Variants in AKT2 observed in about 807,000 individuals in gnomAD.
AKT2 encodes the protein RAC-beta serine/threonine-protein kinase.
In AKT2, 16 loss-of-function variants were observed where a neutral mutation model predicts 58.6. The ratio of observed to expected loss-of-function variants is 0.27; its 90% CI spans 0.18 to 0.41. The LOEUF is 0.41. AKT2 is among the 10% of genes least tolerant of loss of function. The pLI is 1.00. For synonymous variants in AKT2, 253 were observed against 254.0 expected (o/e 1.00, Z 0.04); for missense variants, 438 against 661.0 (o/e 0.66, Z 3.70).
At position 40,256,965 on chromosome 19, in the gene AKT2, C is replaced by T. The variant is rs1975583524; in HGVS notation, c.136G>A (p.Asp46Asn). 6.2e-6 allele frequency: 10 copies of T among 1,614,176 alleles called. No homozygotes were observed. Among genetic ancestry groups the T allele is most frequent in the Non-Finnish European group, 7.6e-6 (9 of 1,180,014 alleles). Reference protein sequence around the residue: ...IGYKERPEAPDQTLPPLNNFS... With the variant: ...IGYKERPEAPNQTLPPLNNFS... ...TTGTTTAAGGGGGGTAGAGTCTGAT[C>T]AGGGGCCTCGGGCCTCTCCTTGTAC... is the stretch of plus-strand genomic sequence containing the variant. The change falls in exon 3 of 14, where the codon GAT becomes AAT. Residue 46 changes from aspartate to asparagine, a missense_variant. Asp to Asn is a conservative substitution (Grantham distance 23). Transcript: ENST00000392038.
In AKT2 at chr19:40,235,163, G is replaced by A; in HGVS notation, c.1264-16C>T. The stretch of plus-strand genomic sequence containing the variant: ...GTGGCAGGAGCTACGGAGGAGAGGA[G>A]CTCAGGCTCAGGGACCCTGAGGCCA... On this transcript the variant is annotated splice_polypyrimidine_tract_variant and intron_variant, in intron 12 of 13. Coordinates refer to ENST00000392038, the MANE Select transcript of AKT2 (RefSeq NM_001626.6). The surrounding 1 kb of genome is among the most constrained non-coding windows in gnomAD (Gnocchi z 6.3). The A allele has an allele frequency of 6.2e-7, 1 of 1,613,624 alleles. No homozygotes were observed. Among genetic ancestry groups the A allele is most frequent in the Non-Finnish European group, 8.5e-7 (1 of 1,179,622 alleles).
chr19:40,267,238 C>T (rs1300816612), intron 1 of AKT2, among the ~76,000 whole-genome samples: 1 of 152,180 alleles, frequency 6.6e-6, no homozygotes, highest in Non-Finnish European at 1.5e-5. Flanking sequence ...AGCCAAACTC[C>T]TCAGCTGAGG....
chr19:40,244,818 G>C (rs1007527466), intron 4 of AKT2, among the ~76,000 whole-genome samples: 6 of 152,230 alleles, frequency 3.9e-5, no homozygotes, highest in Admixed American at 3.3e-4. Flanking sequence ...CCCTACCCAA[G>C]GTCAGGCAGG....
At position 40,233,461 on chromosome 19, in the gene AKT2, G is replaced by A. The variant is rs1973817996; in HGVS notation, c.*411C>T. 1.9e-6 allele frequency: 1 copy of A among 529,230 alleles called. No homozygotes were observed. The highest frequency in any genetic ancestry group is 3.6e-6 in the Non-Finnish European group (1 of 274,410). The allele number at this position is 529,230 out of a possible 1,614,324, so 32.8% of individuals were successfully genotyped here. On this transcript the variant is annotated 3_prime_UTR_variant, in exon 14 of 14. Transcript: ENST00000392038. This position sits in a 1 kb window ranked among gnomAD's most constrained non-coding sequence, Gnocchi z 4.3. Reference sequence around the variant, plus strand: ...GGAAGGCAGCACCACTGTCTGCCGGGTGTCGCGTCCCACCAGAAGGCAGCC... The same window carrying A: ...GGAAGGCAGCACCACTGTCTGCCGGATGTCGCGTCCCACCAGAAGGCAGCC...
rs1444804384 is a variant in AKT2 at position 40,242,892 on chromosome 19, T to A, written c.288-205A>T. On this transcript the variant is annotated intron_variant, in intron 4 of 13. Transcript: ENST00000392038. The surrounding 1 kb of genome is among the most constrained non-coding windows in gnomAD (Gnocchi z 4.3). ...CGCCAGGCGCAGTGGCTCATGCCTA[T>A]AATCCCAGCACTTTGGGAGGCTGAG... 2 of 597,828 alleles carry A rather than the reference T, an allele frequency of 3.3e-6. No individual in the cohort carries two copies. The highest frequency in any genetic ancestry group is 3.7e-5 in the African/African-American group (2 of 54,214). 37.0% of individuals were successfully genotyped at this position (597,828 alleles called of 1,614,324 possible).
rs554917487 is a variant in AKT2, at chr19:40,237,092, C to T, written c.832-707G>A. The T allele has an allele frequency of 1.3e-5, 2 of 158,034 alleles. No individual in the cohort carries two copies. The highest frequency in any genetic ancestry group is 1.9e-4 in the South Asian group (1 of 5,278). The allele number at this position is 158,034 out of a possible 1,614,324, so 9.8% of individuals were successfully genotyped here. ...TGTGCGGCTTTCCCTCGACATTAGCCTATGAGACGCGTCCACACTGTCGTG... is the reference window on the plus strand; with the variant it reads ...TGTGCGGCTTTCCCTCGACATTAGCTTATGAGACGCGTCCACACTGTCGTG... On this transcript the variant is annotated intron_variant, in intron 9 of 13. Transcript: ENST00000392038. This position sits in a 1 kb window ranked among gnomAD's most constrained non-coding sequence, Gnocchi z 4.5.
At chr19:40,260,748 A>G (rs551131930) in intron 2 of AKT2, among the ~76,000 whole-genome samples, 1 of 152,172 alleles carries the variant, frequency 6.6e-6, no homozygotes, top group East Asian at 1.9e-4. Context: ...ATAAGAAGGA[A>G]CGACATATTG....
In AKT2 at chr19:40,242,137, A is replaced by G; in HGVS notation, c.442-68T>C. On this transcript the variant is annotated intron_variant, in intron 5 of 13. Transcript: ENST00000392038. The surrounding 1 kb of genome is among the most constrained non-coding windows in gnomAD (Gnocchi z 4.3). Reference sequence around the variant, plus strand: ...ATGGCCCGTGGGAGGAAATTTTAACAAAAGAAAGAGGAAAACCAAAAGACA... The same window carrying G: ...ATGGCCCGTGGGAGGAAATTTTAACGAAAGAAAGAGGAAAACCAAAAGACA... The G allele has an allele frequency of 6.2e-7, 1 of 1,606,336 alleles. No homozygotes were observed. Among genetic ancestry groups the G allele is most frequent in the Non-Finnish European group, 8.5e-7 (1 of 1,175,784 alleles).
intron 4 of AKT2, chr19:40,244,086 T>TAATAAA (rs1461608772): frequency 1.5e-5 from 2 of 137,292 alleles, no homozygotes; most frequent in African/African-American, 5.8e-5. Context: ...ATAATAATAA[T>TAATAAA]AATAATAAAA....
chr19:40,265,493 C>T, intron 1 of AKT2, 142 bp from the exon 2 acceptor site: 1 of 1,115,350 alleles, frequency 9.0e-7, no homozygotes, highest in Non-Finnish European at 1.2e-6. Context: ...GTGGAGCCCG[C>T]TCTCAAGGAC....
chr19:40,239,077 T>A, intron 7 of AKT2, 104 bp from the exon 8 acceptor site: 3 of 1,228,964 alleles, frequency 2.4e-6, no homozygotes, highest in Non-Finnish European at 3.4e-6. Flanking sequence ...ACACACACCC[T>A]GCCCTGGCTG....
At chr19:40,239,843 A>C (rs2145189624) in intron 7 of AKT2, 3 of 709,738 alleles carry the variant, frequency 4.2e-6, no homozygotes, top group Non-Finnish European at 7.7e-6. Context: ...TCTATGAAGA[A>C]GCTGTCACCC....
chr19:40,269,419 C>T (rs751552987), intron 1 of AKT2: 3 of 152,206 alleles, frequency 2.0e-5, no homozygotes, highest in Non-Finnish European at 4.4e-5. Flanking sequence ...TCATAACCAC[C>T]TACCTGGGAT....
chr19:40,272,047 C>T (rs191425501), intron 1 of AKT2, among the ~76,000 whole-genome samples: 11 of 152,364 alleles, frequency 7.2e-5, no homozygotes, highest in Admixed American at 2.6e-4. Context: ...GCCCATACCA[C>T]GTGCCAGGCC....
intron 1 of AKT2, among the ~76,000 whole-genome samples, chr19:40,270,929 C>CT (rs947796847): frequency 6.6e-6 from 1 of 151,834 alleles, no homozygotes; most frequent in Non-Finnish European, 1.5e-5. Flanking sequence ...AGGAGGATTG[C>CT]TTGAGCCCAG....
chr19:40,245,487 G>A (rs568946804), intron 4 of AKT2, among the ~76,000 whole-genome samples: 2 of 152,296 alleles, frequency 1.3e-5, no homozygotes, highest in African/African-American at 4.8e-5. Flanking sequence ...AACATCTCCA[G>A]AAGAGAAGTC....
At chr19:40,274,688 G>C (rs962656062) in intron 1 of AKT2, 13 of 252,568 alleles carry the variant, frequency 5.1e-5, no homozygotes, top group Non-Finnish European at 1.6e-5. Context: ...TGAGAGAGCC[G>C]GGGGAGACCT....
intron 7 of AKT2, chr19:40,239,788 A>G (rs1974275070): frequency 1.5e-6 from 1 of 669,816 alleles, no homozygotes; most frequent in Admixed American, 2.0e-5. Context: ...GCCAGCAAAT[A>G]ATGTGATATC....
chr19:40,238,378 C>G lies in AKT2; in HGVS notation c.709-287G>C, dbSNP rs1974161576. Among the ~76,000 whole-genome samples the G allele has an allele frequency of 6.6e-6, 1 of 152,108 alleles. No individual in the cohort carries two copies. The highest frequency in any genetic ancestry group is 6.5e-5 in the Admixed American group (1 of 15,272). On this transcript the variant is annotated intron_variant, in intron 8 of 13. Coordinates refer to ENST00000392038, the MANE Select transcript of AKT2 (RefSeq NM_001626.6). This position sits in a 1 kb window ranked among gnomAD's most constrained non-coding sequence, Gnocchi z 5.1. ...GGCAAAAAGAAGCACACGTCATGAC[C>G]AAGTAACAATAGGCCATGGGCAAGC... is the stretch of plus-strand genomic sequence containing the variant.
Sources: gnomAD v4.1 joint callset for allele counts (sites outside exome capture counted in the v4.1 genomes callset) on GRCh38, gnomAD v4.1.1 for gene constraint, Gnocchi (gnomAD v3.1) non-coding constraint, MANE v1.5 for transcripts, NCBI Gene and HGNC (gene_info 2026-07-23, HGNC 2026-07-21) for gene names.